The following DTNA variants were observed in gnomAD, a reference collection of about 807,000 sequenced individuals.
DTNA encodes the protein dystrobrevin alpha.
In DTNA, 43 loss-of-function variants were observed where a neutral mutation model predicts 100.7. The observed-to-expected ratio is 0.43, with a 90% CI of 0.33 to 0.55. The LOEUF (loss-of-function observed/expected upper bound fraction) is 0.55. DTNA is among the 20% of genes least tolerant of loss of function. The pLI, the probability that DTNA is intolerant of heterozygous loss-of-function variation, is 0.04. For missense variants in DTNA, 798 were observed against 953.9 expected (o/e 0.84, Z 2.15); for synonymous variants, 349 against 347.9 (o/e 1.00, Z -0.04).
intron 3 of DTNA, among the ~76,000 whole-genome samples, chr18:34,784,833 A>G (rs996111371): frequency 2.6e-5 from 4 of 151,716 alleles, no homozygotes; most frequent in Admixed American, 2.0e-4. Context: ...TGCTTGTTCC[A>G]TTTCCCAACT....
chr18:34,866,986 A>G, intron 17 of DTNA: 3 of 1,206,822 alleles, frequency 2.5e-6, no homozygotes, highest in Non-Finnish European at 3.1e-6. Flanking sequence ...AACTCAAAAA[A>G]AAAAACAAAT....
chr18:34,716,568 AAAAG>A (rs1333634565), intron 1 of DTNA, among the ~76,000 whole-genome samples: 1 of 152,134 alleles, frequency 6.6e-6, no homozygotes, highest in African/African-American at 2.4e-5. Context: ...CATCTCAATT[AAAAG>A]AAAGAAAGAA....
chr18:34,810,353 T>TA (rs1323882701), intron 5 of DTNA, among the ~76,000 whole-genome samples: 7 of 151,694 alleles, frequency 4.6e-5, no homozygotes, highest in East Asian at 1.9e-4. Flanking sequence ...AATTCAGCCA[T>TA]AAAAAAGAAT....
At chr18:34,856,348 A>G (rs933258597) in intron 15 of DTNA, among the ~76,000 whole-genome samples, 2 of 152,204 alleles carry the variant, frequency 1.3e-5, no homozygotes, top group Non-Finnish European at 2.9e-5. Flanking sequence ...CAGATCTGTG[A>G]GTTTAAGGGG....
At chr18:34,664,384 A>G (rs1450406700) in intron 1 of DTNA, among the ~76,000 whole-genome samples, 2 of 152,204 alleles carry the variant, frequency 1.3e-5, no homozygotes, top group Non-Finnish European at 2.9e-5. Context: ...ATGAATTTAT[A>G]GACCAATTCT....
intron 1 of DTNA, among the ~76,000 whole-genome samples, chr18:34,684,625 T>C (rs1326433276): frequency 6.6e-6 from 1 of 152,210 alleles, no homozygotes; most frequent in Admixed American, 6.5e-5. Flanking sequence ...CATGTGTCTT[T>C]ATAGTAGAAT....
intron 1 of DTNA, among the ~76,000 whole-genome samples, chr18:34,665,848 G>T (rs1324697395): frequency 6.6e-6 from 1 of 152,186 alleles, no homozygotes. Context: ...TTGGTTCCAA[G>T]TCTTTGCTAT....
intron 1 of DTNA, among the ~76,000 whole-genome samples, chr18:34,649,690 A>G (rs1179042701): frequency 6.6e-6 from 1 of 152,040 alleles, no homozygotes; most frequent in Non-Finnish European, 1.5e-5. Context: ...TCATTTTTTC[A>G]TTTCATGTCT....
chr18:34,497,804 CT>C (rs2039419880), intron 1 of DTNA, among the ~76,000 whole-genome samples: 1 of 151,948 alleles, frequency 6.6e-6, no homozygotes, highest in Non-Finnish European at 1.5e-5. Context: ...AAACAGATGA[CT>C]AATAGATTAT....
intron 1 of DTNA, among the ~76,000 whole-genome samples, chr18:34,698,994 C>A (rs1035461768): frequency 2.0e-5 from 3 of 150,634 alleles, no homozygotes; most frequent in Non-Finnish European, 3.0e-5. Flanking sequence ...TTAGGGCTCA[C>A]CATAATCTAG....
chr18:34,838,899 A>G, intron 13 of DTNA, 62 bp downstream of exon 13: 1 of 1,460,664 alleles, frequency 6.8e-7, no homozygotes, highest in South Asian at 1.1e-5. Context: ...GCTGGTGACA[A>G]GCAGTCTCAG....
intron 1 of DTNA, among the ~76,000 whole-genome samples, chr18:34,614,672 G>C (rs977263574): frequency 6.6e-6 from 1 of 152,204 alleles, no homozygotes; most frequent in Non-Finnish European, 1.5e-5. Context: ...TAGAAGTAGA[G>C]CCTGAAGATG....
intron 1 of DTNA, among the ~76,000 whole-genome samples, chr18:34,517,271 A>G (rs968819443): frequency 2.0e-5 from 3 of 152,286 alleles, no homozygotes; most frequent in Middle Eastern, 3.4e-3. Context: ...TTCTGTGTTT[A>G]AAAACTTTAT....
intron 1 of DTNA, among the ~76,000 whole-genome samples, chr18:34,554,932 A>G (rs2045865719): frequency 6.8e-6 from 1 of 146,368 alleles, no homozygotes; most frequent in Non-Finnish European, 1.5e-5. Context: ...ATTGATTGGA[A>G]TAGTTTCAGA....
intron 1 of DTNA, among the ~76,000 whole-genome samples, chr18:34,685,971 A>G (rs1215957059): frequency 6.6e-6 from 1 of 152,002 alleles, no homozygotes; most frequent in East Asian, 1.9e-4. Flanking sequence ...ATGCTTGTGA[A>G]TTTTGCACAT....
chr18:34,795,051 TG>T (rs2094911614), intron 4 of DTNA, among the ~76,000 whole-genome samples: 1 of 152,220 alleles, frequency 6.6e-6, no homozygotes, highest in Non-Finnish European at 1.5e-5. Context: ...GAGGGCTTTT[TG>T]CCAATAGCCT....
At chr18:34,543,775 G>A (rs999166257) in intron 1 of DTNA, among the ~76,000 whole-genome samples, 1 of 152,044 alleles carries the variant, frequency 6.6e-6, no homozygotes, top group Non-Finnish European at 1.5e-5. Flanking sequence ...TACAAATACT[G>A]CATACACACA....
intron 1 of DTNA, among the ~76,000 whole-genome samples, chr18:34,546,472 A>T (rs2145844213): frequency 6.6e-6 from 1 of 152,234 alleles, no homozygotes; most frequent in East Asian, 1.9e-4. Flanking sequence ...CAACGAAAGG[A>T]TCTAGAATCA....
chr18:34,518,115 T>C (rs1483275627), intron 1 of DTNA, among the ~76,000 whole-genome samples: 2 of 152,220 alleles, frequency 1.3e-5, no homozygotes, highest in Non-Finnish European at 2.9e-5. Flanking sequence ...TGTTTTATGT[T>C]AGACATTCTG....
Sources: gnomAD v4.1 joint callset for allele counts (sites outside exome capture counted in the v4.1 genomes callset) on GRCh38, gnomAD v4.1.1 for gene constraint, MANE v1.5 for transcripts, NCBI Gene and HGNC (gene_info 2026-07-23, HGNC 2026-07-21) for gene names.